Variants in RAB3C observed in about 807,000 individuals in gnomAD.
RAB3C encodes ras-related protein Rab-3C.
Under a neutral mutation model 26.4 loss-of-function variants are expected in RAB3C, and 17 were observed. The ratio of observed to expected loss-of-function variants is 0.64; its 90% CI spans 0.44 to 0.97. RAB3C has a LOEUF of 0.97. Among genes scored for constraint, RAB3C ranks in the 50% least tolerant of loss-of-function variants. The probability of loss-of-function intolerance (pLI) is 0.00; values close to 1 mark genes in which losing one functional copy is unlikely to be tolerated. For synonymous variants in RAB3C, 91 were observed against 95.9 expected (o/e 0.95, Z 0.30); for missense variants, 242 against 281.9 (o/e 0.86, Z 1.01).
At chr5:58,819,277 T>C (rs1346666831) in intron 3 of RAB3C, among the ~76,000 whole-genome samples, 1 of 152,218 alleles carries the variant, frequency 6.6e-6, no homozygotes, top group Non-Finnish European at 1.5e-5. Context: ...GACTTCCCCA[T>C]ACTCACTAAG....
At chr5:58,851,028 A>T (rs1744102066) in intron 4 of RAB3C, 136 bp from the exon 5 acceptor site, 1 of 710,066 alleles carries the variant, frequency 1.4e-6, no homozygotes, top group African/African-American at 1.8e-5. Context: ...GCCCACCTCT[A>T]ATCTCTTACC....
At chr5:58,837,068 G>A (rs573788404) in intron 4 of RAB3C, among the ~76,000 whole-genome samples, 102 of 152,238 alleles carry the variant, frequency 6.7e-4, no homozygotes, top group African/African-American at 2.5e-3. Context: ...TTTGATAATA[G>A]CCATCCTAAC....
chr5:58,602,163 G>T (rs1365716626), intron 1 of RAB3C, among the ~76,000 whole-genome samples: 1 of 152,000 alleles, frequency 6.6e-6, no homozygotes, highest in Non-Finnish European at 1.5e-5. Flanking sequence ...GGTTTTGAAG[G>T]TTCCTTTTGG....
intron 3 of RAB3C, among the ~76,000 whole-genome samples, chr5:58,777,824 T>A (rs559791894): frequency 8.8e-4 from 133 of 151,694 alleles, no homozygotes; most frequent in Non-Finnish European, 1.7e-3. Flanking sequence ...AATTCCCACC[T>A]CTAAGTGAGA....
chr5:58,744,346 G>C (rs1235251145), intron 3 of RAB3C, among the ~76,000 whole-genome samples: 2 of 152,222 alleles, frequency 1.3e-5, no homozygotes, highest in Non-Finnish European at 2.9e-5. Flanking sequence ...GGGACCCCTT[G>C]ACTATCTTAT....
chr5:58,681,920 G>A lies in RAB3C; in HGVS notation c.253-44082G>A, dbSNP rs576913941. Among the ~76,000 whole-genome samples, 31 of 152,288 alleles carry A rather than the reference G, an allele frequency of 2.0e-4. No homozygotes were observed. The South Asian group carries it at 5.2e-3, about 25-fold the overall frequency. On this transcript the variant is annotated intron_variant, in intron 2 of 4. Coordinates refer to ENST00000282878, the MANE Select transcript of RAB3C (RefSeq NM_138453.4). The stretch of plus-strand genomic sequence containing the variant: ...TGAGATAATGCTGGAAGAAGGGAAG[G>A]AACAGATTTGAGGCTGTGCAAAGGA...
intron 2 of RAB3C, among the ~76,000 whole-genome samples, chr5:58,671,043 C>T (rs1748107183): frequency 6.6e-6 from 1 of 152,208 alleles, no homozygotes; most frequent in South Asian, 2.1e-4. Context: ...GTTTATTTTT[C>T]TGTAAAGTGG....
chr5:58,672,696 A>G (rs1158734415), intron 2 of RAB3C, among the ~76,000 whole-genome samples: 1 of 152,236 alleles, frequency 6.6e-6, no homozygotes. Flanking sequence ...TGTGATATAC[A>G]TAAGCCTTAT....
chr5:58,712,278 C>T (rs1749076794), intron 2 of RAB3C, among the ~76,000 whole-genome samples: 1 of 152,002 alleles, frequency 6.6e-6, no homozygotes, highest in African/African-American at 2.4e-5. Flanking sequence ...TAGGTTGTAT[C>T]TCGTAGATGT....
chr5:58,690,809 A>T (rs1486214848), intron 2 of RAB3C, among the ~76,000 whole-genome samples: 3 of 152,212 alleles, frequency 2.0e-5, no homozygotes, highest in Non-Finnish European at 4.4e-5. Context: ...AGCAGGATGT[A>T]TAGTTAGGTG....
intron 3 of RAB3C, among the ~76,000 whole-genome samples, chr5:58,778,056 C>T (rs2111997380): frequency 6.6e-6 from 1 of 152,168 alleles, no homozygotes; most frequent in East Asian, 1.9e-4. Flanking sequence ...TTGATGAATA[C>T]ATGTATCACT....
At chr5:58,662,953 A>G (rs1462449646) in intron 2 of RAB3C, among the ~76,000 whole-genome samples, 2 of 150,482 alleles carry the variant, frequency 1.3e-5, no homozygotes, top group Non-Finnish European at 2.9e-5. Flanking sequence ...AATGAAGGCT[A>G]TGATCCTGTC....
intron 1 of RAB3C, among the ~76,000 whole-genome samples, chr5:58,594,029 G>A (rs1053986781): frequency 3.3e-5 from 5 of 152,110 alleles, no homozygotes; most frequent in African/African-American, 9.7e-5. Flanking sequence ...CTGGCTACCC[G>A]AATCATAATC....
At chr5:58,690,374 A>G (rs572684030) in intron 2 of RAB3C, among the ~76,000 whole-genome samples, 6 of 152,266 alleles carry the variant, frequency 3.9e-5, no homozygotes, top group Admixed American at 2.0e-4. Flanking sequence ...CCTATGTAAA[A>G]AAACTGGACA....
intron 3 of RAB3C, among the ~76,000 whole-genome samples, chr5:58,785,757 A>T (rs1013904672): frequency 6.6e-6 from 1 of 152,234 alleles, no homozygotes; most frequent in African/African-American, 2.4e-5. Flanking sequence ...ACAGTTGCTA[A>T]TCAGCTGACT....
At chr5:58,751,931 C>G (rs892454368) in intron 3 of RAB3C, among the ~76,000 whole-genome samples, 1 of 152,102 alleles carries the variant, frequency 6.6e-6, no homozygotes, top group Non-Finnish European at 1.5e-5. Flanking sequence ...CAGAGTTCAG[C>G]CCAATACAGA....
At chr5:58,687,204 A>G (rs1440929639) in intron 2 of RAB3C, among the ~76,000 whole-genome samples, 1 of 152,142 alleles carries the variant, frequency 6.6e-6, no homozygotes, top group Non-Finnish European at 1.5e-5. Flanking sequence ...CACCCACAAG[A>G]TACCAAAATA....
In RAB3C at chr5:58,842,425, ACT is replaced by A. The variant is rs1743895525; in HGVS notation, c.497-8734_497-8733del. Among the ~76,000 whole-genome samples, 3 of 152,068 alleles carry A rather than the reference ACT, an allele frequency of 2.0e-5. No individual in the cohort carries two copies. In the South Asian group the frequency reaches 6.2e-4, roughly 32 times the overall value. Reference sequence around the variant, plus strand: ...TCTCAATCCCAAATCCCAAAGATATACTCTCTTTGATGCCTGTAGGCACCTGC... The same window carrying A: ...TCTCAATCCCAAATCCCAAAGATATACTCTTTGATGCCTGTAGGCACCTGC... On this transcript the variant is annotated intron_variant, in intron 4 of 4. Coordinates refer to ENST00000282878, the MANE Select transcript of RAB3C (RefSeq NM_138453.4).
At position 58,853,348 on chromosome 5, in the gene RAB3C, T is replaced by A. The variant is rs945575069; in HGVS notation, c.*1997T>A. Reference sequence around the variant, plus strand: ...ATAGCTATTAAGCTCACTTTTACAATCTAAAAGGAACTAATAAAGCCAGGA... The same window carrying A: ...ATAGCTATTAAGCTCACTTTTACAAACTAAAAGGAACTAATAAAGCCAGGA... On this transcript the variant is annotated 3_prime_UTR_variant, in exon 5 of 5. Transcript: ENST00000282878. The A allele has an allele frequency of 9.9e-5, 15 of 152,204 alleles. No homozygotes were observed. Among genetic ancestry groups the A allele is most frequent in the Admixed American group, 3.9e-4 (6 of 15,284 alleles). The allele number at this position is 152,204 out of a possible 1,614,324, so 9.4% of individuals were successfully genotyped here.
Sources: gnomAD v4.1 joint callset for allele counts (sites outside exome capture counted in the v4.1 genomes callset) on GRCh38, gnomAD v4.1.1 for gene constraint, MANE v1.5 for transcripts, NCBI Gene and HGNC (gene_info 2026-07-23, HGNC 2026-07-21) for gene names.